The following NELL2 variants were observed in gnomAD, a reference collection of about 807,000 sequenced individuals.
NELL2 encodes protein kinase C-binding protein NELL2.
NELL2 carries 41 observed loss-of-function variants against 109.6 expected under a neutral mutation model. That is an observed-to-expected ratio of 0.37 (90% CI 0.29 to 0.49). The LOEUF is 0.49. Among genes scored for constraint, NELL2 ranks in the 20% least tolerant of loss-of-function variants. NELL2 has a pLI of 0.98. For synonymous variants in NELL2, 355 were observed against 344.7 expected, an observed-to-expected ratio of 1.03 and a Z score of -0.33; for missense variants, 900 against 1,008.3, an observed-to-expected ratio of 0.89 and a Z score of 1.45.
At chr12:44,658,243 G>T (rs2136327106) in intron 13 of NELL2, among the ~76,000 whole-genome samples, 1 of 152,260 alleles carries the variant, frequency 6.6e-6, no homozygotes, top group East Asian at 1.9e-4. Context: ...AGGAACTTCA[G>T]CAAAGTCTCA....
chr12:44,755,902 T>C (rs948794623), intron 9 of NELL2, among the ~76,000 whole-genome samples: 4 of 152,226 alleles, frequency 2.6e-5, no homozygotes, highest in Non-Finnish European at 5.9e-5. Context: ...ATCTGGGTTG[T>C]AAAAGGTTAG....
chr12:44,603,698 G>A (rs1488003518), intron 15 of NELL2, among the ~76,000 whole-genome samples: 2 of 152,104 alleles, frequency 1.3e-5, no homozygotes, highest in Non-Finnish European at 2.9e-5. Context: ...ATTTCGCTCA[G>A]TAAAAATCAT....
intron 2 of NELL2, among the ~76,000 whole-genome samples, chr12:44,840,850 G>A (rs1463869216): frequency 2.0e-5 from 3 of 152,132 alleles, no homozygotes. Context: ...GGTAGAAATA[G>A]GTCAAATACA....
upstream of NELL2, chr12:44,880,872 G>A (rs1020798246): frequency 6.0e-5 from 9 of 151,180 alleles, 1 homozygote; most frequent in African/African-American, 2.2e-4. Context: ...TGTTGTTTTT[G>A]GCTAGTCAAC....
At chr12:44,641,626 A>G (rs189407847) in intron 13 of NELL2, among the ~76,000 whole-genome samples, 133 of 151,652 alleles carry the variant, frequency 8.8e-4, no homozygotes, top group African/African-American at 3.0e-3. Context: ...GCATCCGAAA[A>G]CCTAGTCAGT....
chr12:44,621,663 T>C (rs987494396), intron 13 of NELL2, among the ~76,000 whole-genome samples: 1 of 152,012 alleles, frequency 6.6e-6, no homozygotes, highest in Non-Finnish European at 1.5e-5. Context: ...CCTACATCCT[T>C]CACGTGGATT....
chr12:44,584,704 C>T (rs900573018), intron 15 of NELL2, among the ~76,000 whole-genome samples: 1 of 152,132 alleles, frequency 6.6e-6, no homozygotes, highest in Non-Finnish European at 1.5e-5. Context: ...TTTTCCTCTG[C>T]CTTACTGAAA....
chr12:44,892,931 AT>A (rs1945552605), intron 1 of NELL2, among the ~76,000 whole-genome samples: 2 of 152,210 alleles, frequency 1.3e-5, no homozygotes, highest in Non-Finnish European at 1.5e-5. Flanking sequence ...ATTAAAAAAA[AT>A]CATAATCCTA....
chr12:44,598,841 A>G (rs1215486127), intron 15 of NELL2, among the ~76,000 whole-genome samples: 1 of 149,536 alleles, frequency 6.7e-6, no homozygotes, highest in East Asian at 2.0e-4. Flanking sequence ...TCAGTTTAAG[A>G]GTAAGAAAGA....
intron 15 of NELL2, among the ~76,000 whole-genome samples, chr12:44,560,097 A>G (rs1943412011): frequency 6.6e-6 from 1 of 152,246 alleles, no homozygotes; most frequent in African/African-American, 2.4e-5. Flanking sequence ...TAATGAAATT[A>G]AGGCAGAAAT....
chr12:44,510,297 T>C (rs895831850), intron 19 of NELL2, among the ~76,000 whole-genome samples: 2 of 152,188 alleles, frequency 1.3e-5, no homozygotes, highest in Non-Finnish European at 2.9e-5. Context: ...TTCCTATTAA[T>C]AGTCACACGT....
At chr12:44,836,762 C>CA (rs1337124738) in intron 2 of NELL2, among the ~76,000 whole-genome samples, 1 of 152,162 alleles carries the variant, frequency 6.6e-6, no homozygotes, top group Non-Finnish European at 1.5e-5. Flanking sequence ...GAGGGGTCTA[C>CA]AATGCCGAAG....
rs144853656 is a variant in NELL2 at position 44,586,908 on chromosome 12, C to A, written c.1663+20261G>T. On this transcript the variant is annotated intron_variant, in intron 15 of 19. Transcript: ENST00000429094. ...ATGTGTGAAATAACTACAAACATAA[C>A]GACCTCACATGCAATACAAATTAAT... Among the ~76,000 whole-genome samples, 2 of 152,154 alleles carry A rather than the reference C, an allele frequency of 1.3e-5. 1 individual carries two copies. The highest frequency in any genetic ancestry group is 2.9e-5 in the Non-Finnish European group (2 of 68,032).
At chr12:44,888,712 G>A (rs138029263) in intron 1 of NELL2, among the ~76,000 whole-genome samples, 21 of 151,854 alleles carry the variant, frequency 1.4e-4, no homozygotes, top group Non-Finnish European at 2.2e-4. Flanking sequence ...TTATTCACGT[G>A]TCGACAATAG....
chr12:44,562,104 G>A (rs1384308824), intron 15 of NELL2, among the ~76,000 whole-genome samples: 1 of 152,154 alleles, frequency 6.6e-6, no homozygotes, highest in Non-Finnish European at 1.5e-5. Context: ...GGGAAAACTG[G>A]CTAGCCATAT....
At chr12:44,806,260 G>A (rs1313524055) in intron 3 of NELL2, among the ~76,000 whole-genome samples, 4 of 151,750 alleles carry the variant, frequency 2.6e-5, no homozygotes, top group East Asian at 3.9e-4. Flanking sequence ...TATATGCATG[G>A]CCAATAAGCA....
At chr12:44,599,576 A>T (rs1045824604) in intron 15 of NELL2, among the ~76,000 whole-genome samples, 3 of 152,118 alleles carry the variant, frequency 2.0e-5, no homozygotes, top group Non-Finnish European at 4.4e-5. Flanking sequence ...AGTATAAAAG[A>T]AAGTGAAGAA....
intron 13 of NELL2, among the ~76,000 whole-genome samples, chr12:44,654,818 T>C (rs763573899): frequency 2.0e-5 from 3 of 152,196 alleles, no homozygotes; most frequent in African/African-American, 7.2e-5. Flanking sequence ...CAGGAGGTTA[T>C]ACACCCACTG....
chr12:44,540,781 CAAAA>C (rs57205620), intron 15 of NELL2, among the ~76,000 whole-genome samples: 46 of 49,750 alleles, frequency 9.2e-4, no homozygotes, highest in African/African-American at 3.4e-3. Flanking sequence ...GTCTGCAAGC[CAAAA>C]AAAAAAAAAA....
Sources: gnomAD v4.1 joint callset for allele counts (sites outside exome capture counted in the v4.1 genomes callset) on GRCh38, gnomAD v4.1.1 for gene constraint, MANE v1.5 for transcripts, NCBI Gene and HGNC (gene_info 2026-07-23, HGNC 2026-07-21) for gene names.